Variants in PRSS23 observed in about 807,000 individuals in gnomAD.
PRSS23 encodes protease, serine 23.
A neutral mutation model predicts 34.7 loss-of-function variants in PRSS23; 25 were observed. The observed-to-expected ratio is 0.72, with a 90% confidence interval of 0.53 to 1.01. The LOEUF is 1.01. Ranked by LOEUF, PRSS23 falls within the 50% of genes least tolerant of loss-of-function variation. The probability of loss-of-function intolerance (pLI) is 0.00; values close to 1 mark genes in which losing one functional copy is unlikely to be tolerated. For synonymous variants in PRSS23, 176 were observed against 186.6 expected (o/e 0.94, Z 0.46); for missense variants, 445 against 475.6 (o/e 0.94, Z 0.60).
intron 2 of PRSS23, among the ~76,000 whole-genome samples, chr11:86,841,494 C>A (rs1948448255): frequency 6.6e-6 from 1 of 152,016 alleles, no homozygotes; most frequent in African/African-American, 2.4e-5. Context: ...ATCAATGAAT[C>A]CAGGAGCTGG....
At chr11:86,862,233 G>A (rs915045204) in intron 2 of PRSS23, among the ~76,000 whole-genome samples, 4 of 151,944 alleles carry the variant, frequency 2.6e-5, no homozygotes, top group African/African-American at 9.7e-5. Context: ...ATTTCACAGT[G>A]GGTGTACACC....
intron 2 of PRSS23, among the ~76,000 whole-genome samples, chr11:86,902,226 G>T (rs544221564): frequency 6.6e-6 from 1 of 152,134 alleles, no homozygotes; most frequent in Admixed American, 6.5e-5. Flanking sequence ...GAAACTATAG[G>T]GACATTCTCT....
At chr11:86,850,893 C>T (rs1314191258) in intron 2 of PRSS23, among the ~76,000 whole-genome samples, 1 of 152,220 alleles carries the variant, frequency 6.6e-6, no homozygotes, top group African/African-American at 2.4e-5. Context: ...GCTCTGGTAA[C>T]ATCTTCCTAC....
intron 2 of PRSS23, among the ~76,000 whole-genome samples, chr11:86,914,109 C>T (rs1485241522): frequency 6.6e-6 from 1 of 150,782 alleles, no homozygotes; most frequent in Non-Finnish European, 1.5e-5. Context: ...GCCTGTAGTC[C>T]CAGCTACTCA....
intron 2 of PRSS23, among the ~76,000 whole-genome samples, chr11:86,928,025 C>CTTTGATCAT (rs1949093035): frequency 6.6e-6 from 1 of 151,318 alleles, no homozygotes; most frequent in Non-Finnish European, 1.5e-5. Context: ...AGATATTAAG[C>CTTTGATCAT]TCTTTGATCA....
At chr11:86,815,446 C>T (rs1948208586), downstream of PRSS23, among the ~76,000 whole-genome samples, 1 of 152,322 alleles carries the variant, frequency 6.6e-6, no homozygotes, top group Admixed American at 6.5e-5. Context: ...ATTCAAATGG[C>T]TGATTGAACG....
chr11:86,864,139 A>G (rs1275780139), intron 2 of PRSS23, among the ~76,000 whole-genome samples: 1 of 152,210 alleles, frequency 6.6e-6, no homozygotes, highest in African/African-American at 2.4e-5. Context: ...ACCAAGACTG[A>G]GACACTGAGA....
At chr11:86,870,853 T>C (rs1948680106) in intron 2 of PRSS23, among the ~76,000 whole-genome samples, 1 of 152,224 alleles carries the variant, frequency 6.6e-6, no homozygotes. Flanking sequence ...TTGGTTTTTA[T>C]AGTTTTAATT....
chr11:86,840,087 T>C (rs1234590684), intron 2 of PRSS23, among the ~76,000 whole-genome samples: 1 of 151,972 alleles, frequency 6.6e-6, no homozygotes, highest in Admixed American at 6.6e-5. Flanking sequence ...CAGGATCAAA[T>C]TCAAACATAG....
chr11:86,892,322 A>G (rs1017448074), intron 2 of PRSS23: 1 of 152,234 alleles, frequency 6.6e-6, no homozygotes, highest in Non-Finnish European at 1.5e-5. Context: ...TCTCTCTGCC[A>G]TCTTTGCTGT....
chr11:86,824,005 CAAAAAAAAAAAAA>C (rs55884309), intron 2 of PRSS23, among the ~76,000 whole-genome samples: 3 of 30,510 alleles, frequency 9.8e-5, no homozygotes, highest in East Asian at 2.0e-3. Context: ...GACTCCGTCT[CAAAAAAAAAAAAA>C]AAAAAAAAAA....
At chr11:86,951,403 C>A (rs764392486) in exon 3 of PRSS23, 2 of 1,613,500 alleles carry the variant, frequency 1.2e-6, no homozygotes, top group South Asian at 1.1e-5. Flanking sequence ...AACAGGCAAT[C>A]ACACACGTTG....
At chr11:86,833,952 A>T (rs1165102648) in intron 2 of PRSS23, among the ~76,000 whole-genome samples, 2 of 152,208 alleles carry the variant, frequency 1.3e-5, no homozygotes, top group Non-Finnish European at 2.9e-5. Flanking sequence ...TGTCATTAAC[A>T]TCAGAGCATG....
At chr11:86,879,643 C>T (rs1338467285) in intron 2 of PRSS23, among the ~76,000 whole-genome samples, 7 of 137,432 alleles carry the variant, frequency 5.1e-5, no homozygotes, top group African/African-American at 8.0e-5. Context: ...AGCCCCTCTG[C>T]CCGGCCAGCC....
chr11:86,867,516 T>C (rs1283632583), intron 2 of PRSS23, among the ~76,000 whole-genome samples: 1 of 152,168 alleles, frequency 6.6e-6, no homozygotes, highest in Non-Finnish European at 1.5e-5. Context: ...GCTTTACTCT[T>C]CTCCCAACTT....
chr11:86,909,718 C>T (rs1948965696), intron 2 of PRSS23: 1 of 152,146 alleles, frequency 6.6e-6, no homozygotes, highest in Non-Finnish European at 1.5e-5. Context: ...TGCTGTGATC[C>T]TTTGTCATTA....
At chr11:86,917,718 A>G (rs1375159966) in intron 2 of PRSS23, among the ~76,000 whole-genome samples, 2 of 152,226 alleles carry the variant, frequency 1.3e-5, no homozygotes, top group African/African-American at 4.8e-5. Flanking sequence ...AGTGACATAG[A>G]TATTTCAATG....
At chr11:86,814,384 A>T (rs1247950089), downstream of PRSS23, among the ~76,000 whole-genome samples, 1 of 148,808 alleles carries the variant, frequency 6.7e-6, no homozygotes, top group African/African-American at 2.5e-5. Flanking sequence ...AGGAGGAGGC[A>T]GTAAGGAAGC....
At chr11:86,927,778 G>T (rs1008030709) in intron 2 of PRSS23, among the ~76,000 whole-genome samples, 1 of 152,114 alleles carries the variant, frequency 6.6e-6, no homozygotes, top group Non-Finnish European at 1.5e-5. Flanking sequence ...GCCAGGGGAG[G>T]CTGAGGCAGG....
Sources: gnomAD v4.1 joint callset for allele counts (sites outside exome capture counted in the v4.1 genomes callset) on GRCh38, gnomAD v4.1.1 for gene constraint, MANE v1.5 for transcripts, NCBI Gene and HGNC (gene_info 2026-07-23, HGNC 2026-07-21) for gene names.